Variants in GYG1 observed in about 807,000 individuals in gnomAD.
GYG1 encodes glycogenin 1, also known as glycogenin-1.
Under a neutral mutation model 41.9 loss-of-function variants are expected in GYG1, and 44 were observed. That is an observed-to-expected ratio of 1.05 (90% CI 0.83 to 1.35). GYG1 has a LOEUF of 1.35. Ranked by LOEUF, GYG1 falls within the 40% of genes most tolerant of loss-of-function variation. GYG1 has a pLI of 0.00. For missense variants in GYG1, 429 were observed against 418.9 expected, an observed-to-expected ratio of 1.02 and a Z score of -0.21; for synonymous variants, 141 against 158.1, an observed-to-expected ratio of 0.89 and a Z score of 0.81.
In GYG1 at chr3:148,991,625, C is replaced by T; in HGVS notation, c.-16C>T. On this transcript the variant is annotated 5_prime_UTR_variant, in exon 1 of 8. Transcript: ENST00000345003. Reference sequence around the variant, plus strand: ...AACCTGAGGCTGCCCCGGCCGCCTGCGCACCCGGCAGCACCATGACAGGTA... The same window carrying T: ...AACCTGAGGCTGCCCCGGCCGCCTGTGCACCCGGCAGCACCATGACAGGTA... The T allele has an allele frequency of 1.3e-6, 2 of 1,554,666 alleles. No individual in the cohort carries two copies. The highest frequency in any genetic ancestry group is 1.7e-6 in the Non-Finnish European group (2 of 1,158,920).
intron 2 of GYG1, 138 bp from the exon 3 acceptor site, chr3:148,996,164 T>G: frequency 1.4e-6 from 1 of 719,674 alleles, no homozygotes; most frequent in Middle Eastern, 3.8e-4. Context: ...AGAACAGATT[T>G]AAGGGTACAT....
intron 5 of GYG1, among the ~76,000 whole-genome samples, chr3:149,014,602 T>C (rs1254862992): frequency 1.3e-5 from 2 of 151,254 alleles, no homozygotes; most frequent in East Asian, 3.9e-4. Context: ...CATAACTTCT[T>C]TGGGAGGCCA....
intron 1 of GYG1, 27 bp from the exon 2 acceptor site, chr3:148,994,115 G>A (rs916358183): frequency 6.2e-7 from 1 of 1,605,110 alleles, no homozygotes. Flanking sequence ...ATACTGTAAT[G>A]AGTGTTTTTT....
intron 4 of GYG1, among the ~76,000 whole-genome samples, chr3:149,004,247 T>C (rs1713272133): frequency 6.6e-6 from 1 of 152,226 alleles, no homozygotes; most frequent in South Asian, 2.1e-4. Context: ...TTGTTGGCTC[T>C]GAGATGAGTG....
chr3:148,992,316 CTGGT>C (rs1470477594), intron 1 of GYG1: 2 of 152,630 alleles, frequency 1.3e-5, no homozygotes, highest in African/African-American at 4.8e-5. Context: ...TCCGAGTTAG[CTGGT>C]CCTTCCGTGT....
At position 148,991,567 on chromosome 3, in the gene GYG1, G is replaced by C; in HGVS notation, c.-74G>C. 1 of 1,529,868 alleles carries C rather than the reference G, an allele frequency of 6.5e-7. No individual in the cohort carries two copies. The highest frequency in any genetic ancestry group is 8.7e-7 in the Non-Finnish European group (1 of 1,143,940). The allele number at this position is 1,529,868 out of a possible 1,614,324, so 94.8% of individuals were successfully genotyped here. A position where few individuals can be genotyped will look rare whatever the true frequency, so the allele number is the denominator to read the frequency against. On this transcript the variant is annotated 5_prime_UTR_variant, in exon 1 of 8. Coordinates refer to ENST00000345003, the MANE Select transcript of GYG1 (RefSeq NM_004130.4). ...CCCGCCGTGCCTCCTCGCTGGCCGC[G>C]CTCCCTCCCGGTGCCGGCTTCTCTG...
intron 4 of GYG1, among the ~76,000 whole-genome samples, chr3:149,007,072 A>G (rs943519691): frequency 3.9e-5 from 6 of 152,252 alleles, no homozygotes; most frequent in African/African-American, 1.4e-4. Flanking sequence ...GTGCCAGCAG[A>G]TTCAGTGGCT....
At chr3:149,017,895 G>C (rs1714163007) in intron 5 of GYG1, among the ~76,000 whole-genome samples, 1 of 151,820 alleles carries the variant, frequency 6.6e-6, no homozygotes, top group African/African-American at 2.4e-5. Context: ...TTACAGGTGT[G>C]AGCCACCACG....
At chr3:149,008,502 G>T (rs1379284526) in intron 4 of GYG1, among the ~76,000 whole-genome samples, 1 of 152,164 alleles carries the variant, frequency 6.6e-6, no homozygotes, top group East Asian at 1.9e-4. Flanking sequence ...GCATTTTTCA[G>T]GTATGCCTGT....
intron 5 of GYG1, among the ~76,000 whole-genome samples, chr3:149,020,149 C>G (rs553827794): frequency 3.0e-4 from 45 of 152,230 alleles, no homozygotes; most frequent in African/African-American, 1.1e-3. Context: ...ACCTCTGTTG[C>G]AAACTGCATC....
rs111694141 is a variant in GYG1 at position 148,999,632 on chromosome 3, C to T, written c.481+2728C>T. 5.5e-3 allele frequency among the ~76,000 whole-genome samples: 839 copies of T among 152,264 alleles called. 7 individuals are homozygous for T. Among genetic ancestry groups the T allele is most frequent in the African/African-American group, 0.019 (790 of 41,546 alleles). ...TAGCAATAAAATATTTCTTTATGGA[C>T]AATGACTTTGTCTAATGGCAGTAAC... is the stretch of plus-strand genomic sequence containing the variant. On this transcript the variant is annotated intron_variant, in intron 4 of 7. Transcript: ENST00000345003.
chr3:148,994,555 C>G (rs542076602), intron 2 of GYG1, among the ~76,000 whole-genome samples: 1 of 152,278 alleles, frequency 6.6e-6, no homozygotes, highest in East Asian at 1.9e-4. Flanking sequence ...TCACTCCATC[C>G]CCTCTGGGTG....
At position 148,994,020 on chromosome 3, in the gene GYG1, A is replaced by G. The variant is rs1271669865; in HGVS notation, c.8-122A>G. The G allele has an allele frequency of 3.5e-6, 3 of 851,358 alleles. No individual in the cohort carries two copies. The East Asian group carries it at 7.9e-5, about 22-fold the overall frequency. The allele number at this position is 851,358 out of a possible 1,614,324, so 52.7% of individuals were successfully genotyped here. On this transcript the variant is annotated intron_variant, in intron 1 of 7. Transcript: ENST00000345003. ...TCCCCAAAGGGCTACAGCTTGATTCATAGAGAAAGTTGATGTTAGAGGAAC... is the reference window on the plus strand; with the variant it reads ...TCCCCAAAGGGCTACAGCTTGATTCGTAGAGAAAGTTGATGTTAGAGGAAC...
At chr3:149,026,144 A>G (rs907538322) in intron 6 of GYG1, among the ~76,000 whole-genome samples, 3 of 152,260 alleles carry the variant, frequency 2.0e-5, no homozygotes, top group Non-Finnish European at 4.4e-5. Context: ...TGGGAATTGA[A>G]AGTTGTTCAA....
chr3:148,993,302 C>G (rs902363979), intron 1 of GYG1, among the ~76,000 whole-genome samples: 47 of 97,538 alleles, frequency 4.8e-4, no homozygotes, highest in Admixed American at 2.0e-3. Context: ...GGGTGCGTGT[C>G]TGTTGGTTTG....
rs58075146 is a variant in GYG1, at chr3:149,017,582, G to GTTTTT, written c.609-6445_609-6441dup. 4.5e-3 allele frequency among the ~76,000 whole-genome samples: 211 copies of GTTTTT among 47,370 alleles called. 70 individuals are homozygous for GTTTTT. The highest frequency in any genetic ancestry group is 7.1e-3 in the East Asian group (8 of 1,126). The allele number at this position is 47,370 out of a possible 152,430, so 31.1% of individuals were successfully genotyped here. A position where few individuals can be genotyped will look rare whatever the true frequency, so the allele number is the denominator to read the frequency against. ...TTATTTATTTATTTCTTTTATTTAG[G>GTTTTT]TTTTTTTTTTTTTTTTTTTTTTTTT... On this transcript the variant is annotated intron_variant, in intron 5 of 7. Coordinates refer to ENST00000345003, the MANE Select transcript of GYG1 (RefSeq NM_004130.4).
At chr3:149,010,966 A>G (rs994895335) in intron 5 of GYG1, among the ~76,000 whole-genome samples, 12 of 152,170 alleles carry the variant, frequency 7.9e-5, no homozygotes, top group East Asian at 3.8e-4. Context: ...TGTAGCAGCA[A>G]TGTTTCCTTT....
At chr3:148,999,324 G>A (rs1390410927) in intron 4 of GYG1, among the ~76,000 whole-genome samples, 4 of 152,174 alleles carry the variant, frequency 2.6e-5, no homozygotes, top group Non-Finnish European at 5.9e-5. Flanking sequence ...CATTGGTGGT[G>A]AAGGACTGAA....
At chr3:149,025,479 G>C (rs1714604055) in intron 6 of GYG1, among the ~76,000 whole-genome samples, 1 of 152,092 alleles carries the variant, frequency 6.6e-6, no homozygotes, top group South Asian at 2.1e-4. Flanking sequence ...CCTGGGGGTT[G>C]GGGACCCCTG....
Sources: gnomAD v4.1 joint callset for allele counts (sites outside exome capture counted in the v4.1 genomes callset) on GRCh38, gnomAD v4.1.1 for gene constraint, MANE v1.5 for transcripts, NCBI Gene and HGNC (gene_info 2026-07-23, HGNC 2026-07-21) for gene names.